PP2D1: variants seen among roughly 807,000 people sequenced by gnomAD.
PP2D1 encodes the protein protein phosphatase 2C-like domain-containing protein 1.
Under a neutral mutation model 30.2 loss-of-function variants are expected in PP2D1, and 25 were observed. The observed-to-expected ratio is 0.83, with a 90% CI of 0.60 to 1.16. The LOEUF (loss-of-function observed/expected upper bound fraction) is 1.16, where lower values mean the gene tolerates loss of function less well. Ranked by LOEUF, PP2D1 falls within the 50% of genes most tolerant of loss-of-function variation. The probability of loss-of-function intolerance (pLI) is 0.00; values close to 1 mark genes in which losing one functional copy is unlikely to be tolerated. For missense variants in PP2D1, 760 were observed against 742.4 expected, an observed-to-expected ratio of 1.02 and a Z score of -0.28; for synonymous variants, 260 against 258.9, an observed-to-expected ratio of 1.00 and a Z score of -0.04.
At chr3:19,984,618 G>T (rs1426070149), downstream of PP2D1, 3 of 161,268 alleles carry the variant, frequency 1.9e-5, no homozygotes, top group East Asian at 1.9e-4. Flanking sequence ...GGTGGGGAGG[G>T]GGCTTTTGTT....
At position 19,985,457 on chromosome 3, in the gene PP2D1, A is replaced by T. The variant is rs951451098; in HGVS notation, c.1816T>A (p.Leu606Ile). The change falls in exon 3 of 3, where the codon TTA (leucine) becomes ATA (isoleucine). Residue 606 changes from leucine (L) to isoleucine (I), a missense_variant. Leu to Ile is a conservative substitution (Grantham distance 5, BLOSUM62 2). This residue lies in a region of PP2D1 where 369 missense variants were observed against 316.2 expected (regional missense o/e 1.17). Transcript: ENST00000389050. ...YVSHELVNAA[L>I]LAGSRDNITV... ...ATGTTGTCTCTGGAGCCAGCCAGTA[A>T]AGCAGCATTTACAAGTTCATGGCTA... The T allele has an allele frequency of 1.5e-5, 23 of 1,536,160 alleles. 1 individual carries two copies. The East Asian group carries it at 5.6e-4, about 38-fold the overall frequency.
At chr3:20,002,319 G>A (rs971805100) in intron 1 of PP2D1, among the ~76,000 whole-genome samples, 11 of 152,158 alleles carry the variant, frequency 7.2e-5, no homozygotes, top group Non-Finnish European at 1.5e-4. Context: ...CAAAAAGTCA[G>A]CTAGACATCT....
chr3:20,008,425 G>C (rs922751932), intron 1 of PP2D1, among the ~76,000 whole-genome samples: 2 of 152,064 alleles, frequency 1.3e-5, no homozygotes, highest in African/African-American at 4.8e-5. Context: ...AAATTACCTA[G>C]GAGTGGTGGC....
At chr3:19,992,766 G>T (rs1697133769) in intron 2 of PP2D1, among the ~76,000 whole-genome samples, 1 of 152,178 alleles carries the variant, frequency 6.6e-6, no homozygotes, top group Non-Finnish European at 1.5e-5. Context: ...TTAGTCTTCT[G>T]ATATATTAAA....
At chr3:19,983,903 C>T (rs1696981576), downstream of PP2D1, 4 of 911,590 alleles carry the variant, frequency 4.4e-6, no homozygotes, top group Middle Eastern at 4.4e-4. Flanking sequence ...TTAACCAGCC[C>T]AGTATGACTT....
At chr3:20,011,003 A>T (rs1697379003) in intron 1 of PP2D1, among the ~76,000 whole-genome samples, 1 of 152,116 alleles carries the variant, frequency 6.6e-6, no homozygotes, top group Non-Finnish European at 1.5e-5. Flanking sequence ...GGAGCCAAGG[A>T]CAAAGTCCCA....
downstream of PP2D1, among the ~76,000 whole-genome samples, chr3:19,982,465 A>T (rs1033554416): frequency 4.6e-5 from 7 of 152,156 alleles, no homozygotes; most frequent in Admixed American, 2.0e-4. Context: ...CATAGATTAT[A>T]ATTGTTCATT....
At chr3:20,003,780 T>G (rs779415053) in intron 1 of PP2D1, among the ~76,000 whole-genome samples, 32 of 151,892 alleles carry the variant, frequency 2.1e-4, no homozygotes, top group Non-Finnish European at 4.3e-4. Context: ...AATTTAAAAT[T>G]TTAGTTAAAA....
At chr3:19,993,255 CA>C (rs1233874490) in intron 2 of PP2D1, among the ~76,000 whole-genome samples, 1 of 152,088 alleles carries the variant, frequency 6.6e-6, no homozygotes, top group African/African-American at 2.4e-5. Context: ...CTAAAGCACT[CA>C]AAAAGGAGCA....
In PP2D1 at chr3:19,986,093, T is replaced by C; in HGVS notation, c.1180A>G (p.Ile394Val). Residue 394 changes from isoleucine (I) to valine (V), a missense_variant, in exon 3 of 3, where the codon ATA becomes GTA. By Grantham distance (29) the Ile-to-Val change is conservative (BLOSUM62 3). This residue lies in a region of PP2D1 where 369 missense variants were observed against 316.2 expected (regional missense o/e 1.17). Coordinates refer to ENST00000389050, the MANE Select transcript of PP2D1 (RefSeq NM_001252657.2). ...CTAATGACTGCTCCATTCTGAAGTA[T>C]TCTTCTTCTTTCATTTGTGTTTCGT... ...TTRNTNERRRILQNGAVISSN... is the reference protein window; with the variant it reads ...TTRNTNERRRVLQNGAVISSN... 1.3e-6 allele frequency: 2 copies of C among 1,535,124 alleles called. No individual in the cohort carries two copies. Among genetic ancestry groups the C allele is most frequent in the Non-Finnish European group, 1.7e-6 (2 of 1,146,406 alleles).
chr3:19,996,506 TA>T (rs1005543100), intron 2 of PP2D1, among the ~76,000 whole-genome samples: 12 of 152,096 alleles, frequency 7.9e-5, no homozygotes, highest in Admixed American at 5.9e-4. Context: ...ACCAAACTTA[TA>T]AAAAAGAATT....
At chr3:19,980,387 G>GA (rs1251526432), downstream of PP2D1, among the ~76,000 whole-genome samples, 1 of 151,798 alleles carries the variant, frequency 6.6e-6, no homozygotes. Flanking sequence ...CTTCTTAAAA[G>GA]AAAATCTATG....
chr3:19,986,580 T>C lies in PP2D1; in HGVS notation c.1091-398A>G, dbSNP rs545529315. Among the ~76,000 whole-genome samples, 150 of 152,358 alleles carry C rather than the reference T, an allele frequency of 9.8e-4. 1 individual carries two copies. The highest frequency in any genetic ancestry group is 3.5e-3 in the African/African-American group (145 of 41,588). ...AAATGTTTTTAAGATAAATGCTTTT[T>C]CAATTTAAAACACAAACTTTGATTT... On this transcript the variant is annotated intron_variant, in intron 2 of 2. Transcript: ENST00000389050.
chr3:20,010,599 C>T (rs950928190), intron 1 of PP2D1, among the ~76,000 whole-genome samples: 5 of 151,562 alleles, frequency 3.3e-5, no homozygotes, highest in African/African-American at 9.7e-5. Context: ...GTCGGGAGTT[C>T]GAGACTAGCC....
chr3:20,002,673 A>G (rs1697270770), intron 1 of PP2D1, among the ~76,000 whole-genome samples: 1 of 152,148 alleles, frequency 6.6e-6, no homozygotes, highest in Non-Finnish European at 1.5e-5. Context: ...TAATCCCAAC[A>G]CTTTGGGAGG....
chr3:19,991,593 A>T (rs1697120484), intron 2 of PP2D1, among the ~76,000 whole-genome samples: 1 of 152,136 alleles, frequency 6.6e-6, no homozygotes, highest in Non-Finnish European at 1.5e-5. Context: ...CAGTATGGGG[A>T]GTGGAAGGAT....
intron 2 of PP2D1, among the ~76,000 whole-genome samples, chr3:19,996,337 G>A (rs1176326150): frequency 6.6e-6 from 1 of 152,038 alleles, no homozygotes. Context: ...AAACCTAGAG[G>A]AAATGGATAA....
At chr3:19,999,081 C>CTTTTT (rs63201460) in intron 2 of PP2D1, among the ~76,000 whole-genome samples, 3 of 135,212 alleles carry the variant, frequency 2.2e-5, no homozygotes, top group Non-Finnish European at 1.6e-5. Context: ...TGTGTCTAGA[C>CTTTTT]TTTTTTTTTT....
chr3:19,985,481 T>C lies in PP2D1; in HGVS notation c.1792A>G (p.Ser598Gly), dbSNP rs1286605065. Residue 598 changes from serine (S) to glycine (G), a missense_variant, in exon 3 of 3, where the codon AGC (serine) becomes GGC (glycine). By Grantham distance (56) the Ser-to-Gly change is moderately conservative (BLOSUM62 0). Coordinates refer to ENST00000389050, the MANE Select transcript of PP2D1 (RefSeq NM_001252657.2). ...SFYEGAAEYV[S>G]HELVNAALLA... Reference sequence around the variant, plus strand: ...AAAGCAGCATTTACAAGTTCATGGCTAACATACTCAGCTGCGCCTTCATAG... The same window carrying C: ...AAAGCAGCATTTACAAGTTCATGGCCAACATACTCAGCTGCGCCTTCATAG... 7.2e-6 allele frequency: 11 copies of C among 1,535,978 alleles called. No individual in the cohort carries two copies. Among genetic ancestry groups the C allele is most frequent in the African/African-American group, 1.4e-5 (1 of 73,056 alleles).
Sources: allele counts gnomAD v4.1 joint callset (sites outside exome capture counted in the v4.1 genomes callset), GRCh38; gene constraint gnomAD v4.1.1; regional missense constraint gnomAD v4.1.1; transcripts MANE v1.5; gene names NCBI Gene and HGNC (gene_info 2026-07-23, HGNC 2026-07-21).